Variants in LOC122539214 observed in about 807,000 individuals in gnomAD.
At chr19:52,688,140 C>T in the LOC122539214 span, among the ~76,000 whole-genome samples, 1 of 152,032 alleles carries the variant, frequency 6.6e-6, no homozygotes, top group Admixed American at 6.6e-5. Context: ...AGCCAATAAA[C>T]TCACCTACTC....
At chr19:52,659,452 A>C in the LOC122539214 span, among the ~76,000 whole-genome samples, 11 of 152,276 alleles carry the variant, frequency 7.2e-5, no homozygotes, top group Admixed American at 6.5e-4. Context: ...ACAGTTGCTT[A>C]AGGCTACTGG....
At chr19:52,680,323 C>T in the LOC122539214 span, among the ~76,000 whole-genome samples, 1 of 152,142 alleles carries the variant, frequency 6.6e-6, no homozygotes, top group African/African-American at 2.4e-5. Flanking sequence ...CTGTAGCTCT[C>T]CCACATCACT....
chr19:52,672,788 C>T, the LOC122539214 span, among the ~76,000 whole-genome samples: 3 of 152,014 alleles, frequency 2.0e-5, no homozygotes, highest in African/African-American at 4.8e-5. Context: ...TTAGTAGAGA[C>T]GGGGTTTCAC....
At chr19:52,664,007 C>T in the LOC122539214 span, among the ~76,000 whole-genome samples, 3 of 152,152 alleles carry the variant, frequency 2.0e-5, no homozygotes, top group Non-Finnish European at 2.9e-5. Context: ...CTGCCTGTCT[C>T]CCCAGTAGCT....
At chr19:52,666,462 T>C in the LOC122539214 span, among the ~76,000 whole-genome samples, 4 of 151,982 alleles carry the variant, frequency 2.6e-5, no homozygotes, top group African/African-American at 7.2e-5. Context: ...AACCCATAGC[T>C]TACCTATCAA....
the LOC122539214 span, among the ~76,000 whole-genome samples, chr19:52,661,910 A>G: frequency 1.4e-5 from 2 of 139,810 alleles, no homozygotes; most frequent in Non-Finnish European, 1.6e-5. Flanking sequence ...AGCTGATGGG[A>G]CAGAGAGTCC....
the LOC122539214 span, among the ~76,000 whole-genome samples, chr19:52,683,461 AGT>A: frequency 6.8e-6 from 1 of 146,196 alleles, no homozygotes; most frequent in Admixed American, 6.8e-5. Context: ...GTTGTGTAGG[AGT>A]GTGTCCTTCA....
the LOC122539214 span, among the ~76,000 whole-genome samples, chr19:52,656,944 C>T: frequency 6.6e-6 from 1 of 151,744 alleles, no homozygotes; most frequent in African/African-American, 2.4e-5. Flanking sequence ...CCTACACACA[C>T]TTCAATTAAC....
chr19:52,687,941 C>T, the LOC122539214 span, among the ~76,000 whole-genome samples: 1 of 151,944 alleles, frequency 6.6e-6, no homozygotes. Context: ...TAACTTCCAA[C>T]TCAATAAGTC....
At chr19:52,659,600 C>G in the LOC122539214 span, among the ~76,000 whole-genome samples, 1 of 123,484 alleles carries the variant, frequency 8.1e-6, no homozygotes, top group Non-Finnish European at 1.6e-5. Context: ...CTCAACAGAG[C>G]AAGACTCCAA....
chr19:52,688,623 C>T, the LOC122539214 span, among the ~76,000 whole-genome samples: 1 of 151,992 alleles, frequency 6.6e-6, no homozygotes, highest in African/African-American at 2.4e-5. Context: ...CCCTTCTTCA[C>T]TCTATTCCTT....
the LOC122539214 span, among the ~76,000 whole-genome samples, chr19:52,653,481 GTA>G: frequency 6.6e-6 from 1 of 152,180 alleles, no homozygotes; most frequent in African/African-American, 2.4e-5. Flanking sequence ...CCTTACATTT[GTA>G]TGGTTTCTCT....
chr19:52,665,591 T>A, the LOC122539214 span, among the ~76,000 whole-genome samples: 5 of 152,166 alleles, frequency 3.3e-5, no homozygotes, highest in African/African-American at 1.2e-4. Context: ...CTTAACTTCC[T>A]CATAAAGCAA....
the LOC122539214 span, among the ~76,000 whole-genome samples, chr19:52,679,667 G>A: frequency 1.3e-5 from 2 of 152,148 alleles, no homozygotes; most frequent in Admixed American, 6.5e-5. Flanking sequence ...CAGTCAGTGT[G>A]ATGCTTTCTA....
At chr19:52,667,794 T>C in the LOC122539214 span, among the ~76,000 whole-genome samples, 1 of 152,194 alleles carries the variant, frequency 6.6e-6, no homozygotes, top group African/African-American at 2.4e-5. Flanking sequence ...TCTTACCTTA[T>C]GGTCAGACAT....
the LOC122539214 span, among the ~76,000 whole-genome samples, chr19:52,666,199 GAGAGAGAGAGAAAGAGACAGAGAGACAAA>G: frequency 6.7e-6 from 1 of 149,438 alleles, no homozygotes; most frequent in African/African-American, 2.5e-5. Context: ...GAGAGTCAAA[GAGAGAGAGAGAAAGAGACAGAGAGACAAA>G]AAGGGAGTCA....
chr19:52,655,766 G>A, the LOC122539214 span: 1 of 671,078 alleles, frequency 1.5e-6, no homozygotes, highest in African/African-American at 1.8e-5. Context: ...GAGAAAATAA[G>A]TATTGATTTG....
the LOC122539214 span, among the ~76,000 whole-genome samples, chr19:52,662,502 C>A: frequency 6.6e-6 from 1 of 152,086 alleles, no homozygotes; most frequent in Non-Finnish European, 1.5e-5. Context: ...TGGACAGAGA[C>A]AAGGAGAGGT....
the LOC122539214 span, among the ~76,000 whole-genome samples, chr19:52,681,280 C>CAAAAAA: frequency 0.087 from 6,567 of 75,116 alleles, 537 homozygotes; most frequent in Non-Finnish European, 0.11. Flanking sequence ...GAGACTTTCT[C>CAAAAAA]AAAAAAAAAA....
Sources: gnomAD v4.1 joint callset for allele counts (sites outside exome capture counted in the v4.1 genomes callset) on GRCh38, gnomAD v4.1.1 for gene constraint, MANE v1.5 for transcripts.